SETBP1: variants seen among roughly 807,000 people sequenced by gnomAD.
SETBP1 encodes SET binding protein 1.
SETBP1 carries 9 observed loss-of-function variants against 101.0 expected under a neutral mutation model. The observed-to-expected ratio is 0.09, with a 90% CI of 0.05 to 0.16. The LOEUF (loss-of-function observed/expected upper bound fraction) is 0.16, where lower values mean the gene tolerates loss of function less well. SETBP1 is among the 10% of genes least tolerant of loss of function. The pLI is 1.00. For synonymous variants in SETBP1, 818 were observed against 788.5 expected (o/e 1.04, Z -0.63); for missense variants, 1,858 against 2,033.8 (o/e 0.91, Z 1.66).
intron 2 of SETBP1, among the ~76,000 whole-genome samples, chr18:44,772,115 C>G (rs1180191881): frequency 6.6e-6 from 1 of 152,134 alleles, no homozygotes; most frequent in Non-Finnish European, 1.5e-5. Flanking sequence ...CCGCCCCAGC[C>G]TCCCCACCTC....
intron 2 of SETBP1, among the ~76,000 whole-genome samples, chr18:44,826,290 C>T (rs2072235784): frequency 6.6e-6 from 1 of 152,100 alleles, no homozygotes; most frequent in African/African-American, 2.4e-5. Context: ...CCTTTTTCGC[C>T]TCTCCTGCCT....
At chr18:44,881,341 G>A (rs563038925) in intron 3 of SETBP1, among the ~76,000 whole-genome samples, 1 of 152,170 alleles carries the variant, frequency 6.6e-6, no homozygotes, top group African/African-American at 2.4e-5. Context: ...CCTAAGGCAG[G>A]GGTGGGTAAG....
At chr18:44,729,898 A>G (rs2069798119) in intron 2 of SETBP1, among the ~76,000 whole-genome samples, 1 of 152,228 alleles carries the variant, frequency 6.6e-6, no homozygotes, top group Non-Finnish European at 1.5e-5. Flanking sequence ...TTTGCACCGC[A>G]GGGTCACTGT....
chr18:44,856,967 C>T (rs1216401647), intron 2 of SETBP1, among the ~76,000 whole-genome samples: 1 of 152,202 alleles, frequency 6.6e-6, no homozygotes, highest in African/African-American at 2.4e-5. Context: ...GCCTCCCTCA[C>T]CTCTACTTTC....
Position 44,812,771 on chromosome 18 carries a change from TG to T in SETBP1, c.487-56457del, listed in dbSNP as rs546313721. The stretch of plus-strand genomic sequence containing the variant: ...ACTGGGATGAAGCCAATATGTAAGC[TG>T]GAAAAGGATACCTTATGGGGCAGCA... On this transcript the variant is annotated intron_variant, in intron 2 of 5. Transcript: ENST00000649279. Among the ~76,000 whole-genome samples, 17 of 152,324 alleles carry T rather than the reference TG, an allele frequency of 1.1e-4. No homozygotes were observed. In the East Asian group the frequency reaches 2.9e-3, roughly 26 times the overall value.
chr18:44,949,775 T>C (rs2071291437), intron 3 of SETBP1, 106 bp from the exon 4 acceptor site: 1 of 934,150 alleles, frequency 1.1e-6, no homozygotes, highest in African/African-American at 1.6e-5. Flanking sequence ...CATTTCCAAC[T>C]TTCAGATCAT....
intron 2 of SETBP1, among the ~76,000 whole-genome samples, chr18:44,797,609 T>C (rs1370426922): frequency 6.6e-6 from 1 of 152,004 alleles, no homozygotes; most frequent in East Asian, 1.9e-4. Context: ...TTGGCGAAAA[T>C]GGTAGCTCTC....
chr18:44,914,106 C>T (rs1003568523), intron 3 of SETBP1, among the ~76,000 whole-genome samples: 5 of 152,210 alleles, frequency 3.3e-5, no homozygotes, highest in African/African-American at 4.8e-5. Context: ...GCACTCCCAT[C>T]GTCTCTACTC....
At chr18:44,689,993 G>A (rs1226864249) in intron 1 of SETBP1, among the ~76,000 whole-genome samples, 1 of 152,186 alleles carries the variant, frequency 6.6e-6, no homozygotes, top group Non-Finnish European at 1.5e-5. Flanking sequence ...TAGCACACAT[G>A]AAAGAACGCT....
At chr18:44,820,316 G>A (rs1204316542) in intron 2 of SETBP1, among the ~76,000 whole-genome samples, 1 of 152,218 alleles carries the variant, frequency 6.6e-6, no homozygotes, top group Non-Finnish European at 1.5e-5. Flanking sequence ...TGTTCTGGGG[G>A]AGGACACCAG....
intron 4 of SETBP1, among the ~76,000 whole-genome samples, chr18:44,978,286 C>T (rs935202543): frequency 6.6e-6 from 1 of 152,146 alleles, no homozygotes; most frequent in African/African-American, 2.4e-5. Context: ...TATTTCCTGC[C>T]ATTTTCTTTT....
intron 4 of SETBP1, among the ~76,000 whole-genome samples, chr18:45,026,058 C>T (rs944698326): frequency 5.9e-5 from 9 of 152,130 alleles, no homozygotes; most frequent in Admixed American, 2.0e-4. Context: ...ATGTGCTCTG[C>T]GACTATGTGC....
intron 4 of SETBP1, among the ~76,000 whole-genome samples, chr18:44,953,600 G>A (rs1167891409): frequency 2.0e-5 from 3 of 152,160 alleles, no homozygotes; most frequent in African/African-American, 7.2e-5. Flanking sequence ...GGCTGCAGTC[G>A]TGCCCACTAT....
chr18:44,716,219 C>A (rs1236177635), intron 2 of SETBP1, among the ~76,000 whole-genome samples: 1 of 152,174 alleles, frequency 6.6e-6, no homozygotes, highest in African/African-American at 2.4e-5. Flanking sequence ...TGATTCGATT[C>A]CCTGCCATTC....
intron 3 of SETBP1, among the ~76,000 whole-genome samples, chr18:44,907,837 T>C (rs148614818): frequency 1.3e-5 from 2 of 152,184 alleles, no homozygotes; most frequent in African/African-American, 2.4e-5. Context: ...GAAGCATAAC[T>C]TTTTATTAAG....
chr18:44,791,506 A>G (rs2071370752), intron 2 of SETBP1, among the ~76,000 whole-genome samples: 1 of 152,166 alleles, frequency 6.6e-6, no homozygotes, highest in South Asian at 2.1e-4. Flanking sequence ...CTCTGAGGAG[A>G]CTTGCATCTC....
rs77685519 is a variant in SETBP1 at position 44,879,539 on chromosome 18, G to A, written c.540+10256G>A. Among the ~76,000 whole-genome samples, 782 of 152,294 alleles carry A rather than the reference G, an allele frequency of 5.1e-3. 7 individuals carry two copies. The highest frequency in any genetic ancestry group is 0.017 in the African/African-American group (726 of 41,560). On this transcript the variant is annotated intron_variant, in intron 3 of 5. Transcript: ENST00000649279. ...TTGGACTGTTGAAGTCAGGGTTAGA[G>A]CACAAATTTCAGCTTCCCAAGACCA...
intron 4 of SETBP1, among the ~76,000 whole-genome samples, chr18:44,995,432 C>T (rs968370891): frequency 5.3e-5 from 8 of 151,840 alleles, no homozygotes; most frequent in South Asian, 2.1e-4. Context: ...TGAGCCACTG[C>T]GCCCAGTCAT....
chr18:45,000,906 C>A (rs945355205), intron 4 of SETBP1, among the ~76,000 whole-genome samples: 1 of 151,708 alleles, frequency 6.6e-6, no homozygotes, highest in Non-Finnish European at 1.5e-5. Context: ...ACGAAGACAG[C>A]CTAAGCAATA....
Sources: gnomAD v4.1 joint callset for allele counts (sites outside exome capture counted in the v4.1 genomes callset) on GRCh38, gnomAD v4.1.1 for gene constraint, MANE v1.5 for transcripts, NCBI Gene and HGNC (gene_info 2026-07-23, HGNC 2026-07-21) for gene names.